The following SYPL1 variants were observed in gnomAD, a reference collection of about 807,000 sequenced individuals.
SYPL1 encodes synaptophysin-like protein 1.
Under a neutral mutation model 23.7 loss-of-function variants are expected in SYPL1, and 6 were observed. The observed-to-expected ratio is 0.25, with a 90% CI of 0.14 to 0.50. The LOEUF (loss-of-function observed/expected upper bound fraction) is 0.50, where lower values mean the gene tolerates loss of function less well. SYPL1 is among the 20% of genes least tolerant of loss of function. The pLI is 0.98. For missense variants in SYPL1, 253 were observed against 288.9 expected (o/e 0.88, Z 0.90); for synonymous variants, 102 against 104.5 (o/e 0.98, Z 0.15).
intron 1 of SYPL1, among the ~76,000 whole-genome samples, chr7:106,110,003 A>G (rs966223188): frequency 6.6e-6 from 1 of 152,312 alleles, no homozygotes; most frequent in Middle Eastern, 3.4e-3. Context: ...GCCTAAAATT[A>G]GTCGTATCAT....
chr7:106,092,298 CTCCAA>C (rs1422244143), intron 4 of SYPL1, among the ~76,000 whole-genome samples: 3 of 152,182 alleles, frequency 2.0e-5, no homozygotes, highest in South Asian at 4.1e-4. Context: ...ATCTCTTCTA[CTCCAA>C]TCCAACAGTT....
intron 3 of SYPL1, among the ~76,000 whole-genome samples, chr7:106,094,035 AG>A (rs1315271338): frequency 6.6e-6 from 1 of 152,234 alleles, no homozygotes; most frequent in East Asian, 1.9e-4. Context: ...TGACCAGGGT[AG>A]GAATAATATA....
chr7:106,105,774 A>G (rs1357073555), intron 1 of SYPL1, among the ~76,000 whole-genome samples: 2 of 152,294 alleles, frequency 1.3e-5, no homozygotes, highest in East Asian at 3.9e-4. Context: ...CCTGAAGGTA[A>G]GGGGAATCTC....
upstream of SYPL1, chr7:106,112,384 C>T: frequency 1.6e-6 from 2 of 1,212,328 alleles, no homozygotes; most frequent in Non-Finnish European, 1.0e-6. Context: ...GGTTGAGCTG[C>T]TGGCTGAGAC....
chr7:106,108,143 G>A (rs990799017), intron 1 of SYPL1, among the ~76,000 whole-genome samples: 2 of 151,888 alleles, frequency 1.3e-5, no homozygotes, highest in Admixed American at 6.6e-5. Flanking sequence ...GCATTGAGCC[G>A]AGACCACACT....
At chr7:106,110,995 T>C (rs1183339652) in intron 1 of SYPL1, among the ~76,000 whole-genome samples, 1 of 152,216 alleles carries the variant, frequency 6.6e-6, no homozygotes, top group Non-Finnish European at 1.5e-5. Context: ...TTTAAAAAAA[T>C]CAAGTATATT....
Position 106,104,023 on chromosome 7 carries a change from G to C in SYPL1, c.70-4741C>G, listed in dbSNP as rs1840460065. ...TCACTGCCAGGTACTGTATGATTCTGTCACATTATACTGCTTACTGTTCCT... is the reference window on the plus strand; with the variant it reads ...TCACTGCCAGGTACTGTATGATTCTCTCACATTATACTGCTTACTGTTCCT... On this transcript the variant is annotated intron_variant, in intron 1 of 4. Coordinates refer to ENST00000455385, the MANE Select transcript of SYPL1 (RefSeq NM_182715.4). This position sits in a 1 kb window ranked among gnomAD's most constrained non-coding sequence, Gnocchi z 4.1. Among the ~76,000 whole-genome samples, 1 of 152,170 alleles carries C rather than the reference G, an allele frequency of 6.6e-6. No homozygotes were observed. Among genetic ancestry groups the C allele is most frequent in the Non-Finnish European group, 1.5e-5 (1 of 68,038 alleles).
At chr7:106,092,904 A>T in intron 4 of SYPL1, 45 bp downstream of exon 4, 1 of 1,436,872 alleles carries the variant, frequency 7.0e-7, no homozygotes, top group Non-Finnish European at 9.2e-7. Context: ...CTAGTACTTT[A>T]AACAAATATA....
Position 106,097,787 on chromosome 7 carries a change from G to T in SYPL1, c.305C>A (p.Thr102Asn), listed in dbSNP as rs372037682. 69 of 1,613,936 alleles carry T rather than the reference G, an allele frequency of 4.3e-5. No individual in the cohort carries two copies. Among genetic ancestry groups the T allele is most frequent in the Non-Finnish European group, 5.7e-5 (67 of 1,179,958 alleles). ...DYSSSAQFYV[T>N]FAVFVFLYCI... The stretch of plus-strand genomic sequence containing the variant: ...GTACAGGAACACAAAGACTGCAAAG[G>T]TAACATAGAATTGTGCAGAAGAAGA... Residue 102 changes from threonine (T) to asparagine (N), a missense_variant, in exon 3 of 5, where the codon ACC (threonine) becomes AAC (asparagine). Transcript: ENST00000455385. This position sits in a 1 kb window ranked among gnomAD's most constrained non-coding sequence, Gnocchi z 4.6.
upstream of SYPL1, chr7:106,112,410 G>C (rs1790218466): frequency 1.4e-6 from 2 of 1,386,510 alleles, no homozygotes; most frequent in Non-Finnish European, 1.9e-6. Flanking sequence ...GGCGGAAACG[G>C]AGTGGGGCGG....
Position 106,107,575 on chromosome 7 carries a change from C to G in SYPL1, c.69+4565G>C, listed in dbSNP as rs537534392. Among the ~76,000 whole-genome samples the G allele has an allele frequency of 3.3e-5, 5 of 151,940 alleles. No individual in the cohort carries two copies. The East Asian group carries it at 9.7e-4, about 30-fold the overall frequency. ...GGTGAAACCAGGTGAAACCCCGTCTCTACTAAAAATACAAAAATTAGCCGG... is the reference window on the plus strand; with the variant it reads ...GGTGAAACCAGGTGAAACCCCGTCTGTACTAAAAATACAAAAATTAGCCGG... On this transcript the variant is annotated intron_variant, in intron 1 of 4. Coordinates refer to ENST00000455385, the MANE Select transcript of SYPL1 (RefSeq NM_182715.4).
In SYPL1 at chr7:106,109,017, G is replaced by A. The variant is rs1405745758; in HGVS notation, c.69+3123C>T. On this transcript the variant is annotated intron_variant, in intron 1 of 4. Transcript: ENST00000455385. The surrounding 1 kb of genome is among the most constrained non-coding windows in gnomAD (Gnocchi z 4.3). The stretch of plus-strand genomic sequence containing the variant: ...AACTCTATTTCACTGCCACATACTT[G>A]CAGTTAAAAACAAAAAACCAAAAAC... Among the ~76,000 whole-genome samples, 1 of 152,074 alleles carries A rather than the reference G, an allele frequency of 6.6e-6. No homozygotes were observed. Among genetic ancestry groups the A allele is most frequent in the Non-Finnish European group, 1.5e-5 (1 of 68,022 alleles).
In SYPL1 at chr7:106,091,099, G is replaced by A. The variant is rs1005204055; in HGVS notation, c.*706C>T. On this transcript the variant is annotated 3_prime_UTR_variant, in exon 5 of 5. Transcript: ENST00000455385. This position sits in a 1 kb window ranked among gnomAD's most constrained non-coding sequence, Gnocchi z 5.0. Reference sequence around the variant, plus strand: ...ATATAAAGATATCTAGTTGAGCCACGTTCTACTTACATAGCAAGCCTATTA... The same window carrying A: ...ATATAAAGATATCTAGTTGAGCCACATTCTACTTACATAGCAAGCCTATTA... 2 of 152,104 alleles carry A rather than the reference G, an allele frequency of 1.3e-5. No individual in the cohort carries two copies. The highest frequency in any genetic ancestry group is 2.9e-5 in the Non-Finnish European group (2 of 68,012). The allele number at this position is 152,104 out of a possible 1,614,324, so 9.4% of individuals were successfully genotyped here.
intron 4 of SYPL1, 90 bp downstream of exon 4, chr7:106,092,858 CA>C (rs1839809835): frequency 9.0e-7 from 1 of 1,115,828 alleles, no homozygotes; most frequent in Admixed American, 3.3e-5. Context: ...AAAAACCATC[CA>C]GAGATTTACT....
At chr7:106,111,030 A>G (rs1446966075) in intron 1 of SYPL1, among the ~76,000 whole-genome samples, 1 of 152,214 alleles carries the variant, frequency 6.6e-6, no homozygotes, top group Non-Finnish European at 1.5e-5. Flanking sequence ...TCAAGTAGTC[A>G]TTTGTGTGAA....
chr7:106,111,058 T>C (rs893445219), intron 1 of SYPL1, among the ~76,000 whole-genome samples: 4 of 152,242 alleles, frequency 2.6e-5, no homozygotes, highest in African/African-American at 9.6e-5. Flanking sequence ...CTACTTCAGT[T>C]TTCAGAAAAC....
Position 106,097,105 on chromosome 7 carries a change from A to T in SYPL1, c.402+585T>A, listed in dbSNP as rs1840052720. Among the ~76,000 whole-genome samples, 1 of 152,192 alleles carries T rather than the reference A, an allele frequency of 6.6e-6. No individual in the cohort carries two copies. The highest frequency in any genetic ancestry group is 6.5e-5 in the Admixed American group (1 of 15,274). ...GTGGCTTGTGACTGTAGTCCCAGCT[A>T]CTCAGGAGGATCATTTGAGCCCAGG... On this transcript the variant is annotated intron_variant, in intron 3 of 4. Transcript: ENST00000455385. This position sits in a 1 kb window ranked among gnomAD's most constrained non-coding sequence, Gnocchi z 4.6.
At chr7:106,093,424 C>T (rs1403994940) in intron 3 of SYPL1, among the ~76,000 whole-genome samples, 1 of 152,178 alleles carries the variant, frequency 6.6e-6, no homozygotes, top group African/African-American at 2.4e-5. Flanking sequence ...AACCTCACCT[C>T]AGCCACTTAC....
chr7:106,108,260 T>C (rs1377210731), intron 1 of SYPL1, among the ~76,000 whole-genome samples: 1 of 152,204 alleles, frequency 6.6e-6, no homozygotes, highest in East Asian at 1.9e-4. Flanking sequence ...ACTATTTTCA[T>C]GTCTTCTGGA....
Sources: gnomAD v4.1 joint callset for allele counts (sites outside exome capture counted in the v4.1 genomes callset) on GRCh38, gnomAD v4.1.1 for gene constraint, Gnocchi (gnomAD v3.1) non-coding constraint, MANE v1.5 for transcripts, NCBI Gene and HGNC (gene_info 2026-07-23, HGNC 2026-07-21) for gene names.